The following LRRC37A2 variants were observed in gnomAD, a reference collection of about 807,000 sequenced individuals.
The protein encoded by LRRC37A2 is leucine rich repeat containing 37 member A2.
A neutral mutation model predicts 68.8 loss-of-function variants in LRRC37A2; 9 were observed. That is an observed-to-expected ratio of 0.13 (90% confidence interval 0.08 to 0.23). LRRC37A2 has a LOEUF of 0.23. Among genes scored for constraint, LRRC37A2 ranks in the 10% least tolerant of loss-of-function variants. The pLI is 1.00. For missense variants in LRRC37A2, 168 were observed against 950.4 expected (o/e 0.18, Z 10.82); for synonymous variants, 63 against 367.6 (o/e 0.17, Z 9.48).
the LRRC37A2 span, among the ~76,000 whole-genome samples, chr17:46,873,086 T>TCACACACACA: frequency 4.3e-4 from 60 of 139,914 alleles, no homozygotes; most frequent in African/African-American, 1.5e-3. Context: ...CTCTGCCTCT[T>TCACACACACA]CACACACACA....
chr17:46,876,507 C>T, the LRRC37A2 span: 2 of 1,613,522 alleles, frequency 1.2e-6, no homozygotes, highest in Non-Finnish European at 1.7e-6. Context: ...GAGGACTCAC[C>T]CAGCTTCTGC....
chr17:46,889,662 T>C, the LRRC37A2 span, among the ~76,000 whole-genome samples: 2 of 151,878 alleles, frequency 1.3e-5, no homozygotes, highest in Non-Finnish European at 2.9e-5. Context: ...ATGGAGGGGG[T>C]CCACATAGCC....
the LRRC37A2 span, among the ~76,000 whole-genome samples, chr17:46,724,067 G>A: frequency 1.3e-5 from 2 of 151,974 alleles, no homozygotes; most frequent in South Asian, 2.1e-4. Context: ...CTTATTGACC[G>A]TTCCTGCAGT....
chr17:46,815,081 A>G, the LRRC37A2 span, among the ~76,000 whole-genome samples: 1 of 152,060 alleles, frequency 6.6e-6, no homozygotes, highest in Non-Finnish European at 1.5e-5. Flanking sequence ...TGAGCTCCTG[A>G]TCTCCAGCAG....
At chr17:46,549,230 A>G (rs1284004993) in exon 10 of LRRC37A2, 1 of 1,611,110 alleles carries the variant, frequency 6.2e-7, no homozygotes, top group African/African-American at 1.4e-5. Flanking sequence ...TCCTTAGGAG[A>G]CCTGAGTCCT....
the LRRC37A2 span, among the ~76,000 whole-genome samples, chr17:46,802,439 T>C: frequency 6.6e-6 from 1 of 152,140 alleles, no homozygotes; most frequent in South Asian, 2.1e-4. Flanking sequence ...CTAATTTTTT[T>C]GTATTTTTAG....
chr17:46,882,669 C>T, the LRRC37A2 span, among the ~76,000 whole-genome samples: 7 of 152,086 alleles, frequency 4.6e-5, no homozygotes, highest in African/African-American at 1.4e-4. Context: ...CATTTCTTTC[C>T]GATTCTTGAC....
chr17:46,726,744 G>T, the LRRC37A2 span: 2 of 836,492 alleles, frequency 2.4e-6, no homozygotes. Flanking sequence ...TGTCTTACAA[G>T]GAAATATAAT....
chr17:46,956,919 C>G, the LRRC37A2 span, among the ~76,000 whole-genome samples: 1 of 152,138 alleles, frequency 6.6e-6, no homozygotes, highest in Non-Finnish European at 1.5e-5. Flanking sequence ...GTGATGAATC[C>G]CCAAAAGAGT....
At chr17:46,938,841 G>C in the LRRC37A2 span, 2 of 1,604,608 alleles carry the variant, frequency 1.2e-6, no homozygotes, top group Admixed American at 3.4e-5. Flanking sequence ...GGGGCCCAGA[G>C]GCCGCCTTTT....
the LRRC37A2 span, among the ~76,000 whole-genome samples, chr17:47,047,520 ATAACAT>A: frequency 6.7e-6 from 1 of 150,008 alleles, no homozygotes; most frequent in East Asian, 2.0e-4. Flanking sequence ...AGGCTAGAGA[ATAACAT>A]TAACATCCAC....
At chr17:46,806,056 T>C in the LRRC37A2 span, among the ~76,000 whole-genome samples, 1 of 152,154 alleles carries the variant, frequency 6.6e-6, no homozygotes, top group Non-Finnish European at 1.5e-5. Flanking sequence ...GTGTGTGCTT[T>C]GTTTCCTCAA....
the LRRC37A2 span, among the ~76,000 whole-genome samples, chr17:47,003,427 G>C: frequency 1.3e-5 from 2 of 152,188 alleles, no homozygotes; most frequent in African/African-American, 2.4e-5. Context: ...TCACACAACA[G>C]GGGGGCAGGG....
the LRRC37A2 span, among the ~76,000 whole-genome samples, chr17:46,787,737 T>C: frequency 3.3e-5 from 5 of 152,204 alleles, no homozygotes; most frequent in Non-Finnish European, 7.3e-5. Context: ...GCAGATCAAC[T>C]GAAGTCAGGA....
At chr17:46,711,827 T>G in the LRRC37A2 span, among the ~76,000 whole-genome samples, 1 of 152,148 alleles carries the variant, frequency 6.6e-6, no homozygotes, top group African/African-American at 2.4e-5. Flanking sequence ...ATGAGGAGAC[T>G]CTGGCCAGCC....
At chr17:46,542,747 G>C (rs1401017100) in intron 8 of LRRC37A2, among the ~76,000 whole-genome samples, 1 of 150,256 alleles carries the variant, frequency 6.7e-6, no homozygotes, top group African/African-American at 2.5e-5. Context: ...ATGTATGCCT[G>C]CGGGGCCCTA....
At chr17:46,827,911 A>T in the LRRC37A2 span, among the ~76,000 whole-genome samples, 1 of 150,372 alleles carries the variant, frequency 6.7e-6, no homozygotes, top group Non-Finnish European at 1.5e-5. Context: ...CCAGGTTCAC[A>T]CCATTCCCCT....
At chr17:46,876,209 G>A in the LRRC37A2 span, 1 of 1,550,288 alleles carries the variant, frequency 6.5e-7, no homozygotes, top group African/African-American at 1.4e-5. Context: ...CTGGGCCCAG[G>A]CCTCTGACCA....
At chr17:46,851,542 G>T in the LRRC37A2 span, 2 of 604,828 alleles carry the variant, frequency 3.3e-6, no homozygotes, top group Non-Finnish European at 4.7e-6. The surrounding 1 kb of genome is among the most constrained non-coding windows in gnomAD (Gnocchi z 4.3). Flanking sequence ...CGCCTGCCCC[G>T]CCCCACCCGG....
Sources: gnomAD v4.1 joint callset for allele counts (sites outside exome capture counted in the v4.1 genomes callset) on GRCh38, gnomAD v4.1.1 for gene constraint, Gnocchi (gnomAD v3.1) non-coding constraint, MANE v1.5 for transcripts, NCBI Gene and HGNC (gene_info 2026-07-23, HGNC 2026-07-21) for gene names.